CAPN2: variants seen among roughly 807,000 people sequenced by gnomAD.
CAPN2 encodes the protein calpain-2 catalytic subunit.
A neutral mutation model predicts 102.3 loss-of-function variants in CAPN2; 92 were observed. That is an observed-to-expected ratio of 0.90 (90% CI 0.76 to 1.07). The LOEUF is 1.07. CAPN2 is among the 50% of genes least tolerant of loss of function. CAPN2 has a pLI of 0.00. For missense variants in CAPN2, 800 were observed against 909.4 expected, an observed-to-expected ratio of 0.88 and a Z score of 1.55; for synonymous variants, 340 against 355.4, an observed-to-expected ratio of 0.96 and a Z score of 0.49.
intron 7 of CAPN2, 94 bp from the exon 8 acceptor site, chr1:223,751,903 A>C: frequency 8.9e-6 from 7 of 788,034 alleles, no homozygotes; most frequent in Non-Finnish European, 2.1e-6. Context: ...CTGAGCCCTC[A>C]GAGGTGAGAG....
chr1:223,752,402 C>A (rs1267671443), intron 8 of CAPN2, among the ~76,000 whole-genome samples: 1 of 152,194 alleles, frequency 6.6e-6, no homozygotes, highest in East Asian at 1.9e-4. Context: ...TCATCCCAGC[C>A]CCTTAAGAAA....
intron 1 of CAPN2, among the ~76,000 whole-genome samples, chr1:223,705,768 A>C (rs980478873): frequency 8.5e-5 from 13 of 152,180 alleles, no homozygotes; most frequent in African/African-American, 3.1e-4. Flanking sequence ...GCCACATGTC[A>C]AGTACTCATG....
At chr1:223,742,417 C>T (rs1279866536) in intron 2 of CAPN2, among the ~76,000 whole-genome samples, 1 of 150,138 alleles carries the variant, frequency 6.7e-6, no homozygotes, top group Admixed American at 6.7e-5. Context: ...CCAAAGAATT[C>T]AGTGAACTTC....
upstream of CAPN2, among the ~76,000 whole-genome samples, chr1:223,708,424 A>T (rs200052881): frequency 7.8e-5 from 6 of 76,796 alleles, no homozygotes; most frequent in African/African-American, 2.6e-4. Flanking sequence ...AACTCTGTTT[A>T]AAAAAAAAAA....
At chr1:223,711,047 G>T (rs2102769466), upstream of CAPN2, among the ~76,000 whole-genome samples, 1 of 152,256 alleles carries the variant, frequency 6.6e-6, no homozygotes, top group Admixed American at 6.5e-5. Flanking sequence ...GATTTTCTGG[G>T]TTCACAAGAG....
At position 223,759,594 on chromosome 1, in the gene CAPN2, A is replaced by G; in HGVS notation, c.1529+113A>G. ...TCTGAATGTCAGTTACTTTTTCTGTAACACCTGCCCACCTCGAAGGACTAG... is the reference window on the plus strand; with the variant it reads ...TCTGAATGTCAGTTACTTTTTCTGTGACACCTGCCCACCTCGAAGGACTAG... On this transcript the variant is annotated intron_variant, in intron 12 of 20. Coordinates refer to ENST00000295006, the MANE Select transcript of CAPN2 (RefSeq NM_001748.5). The surrounding 1 kb of genome is among the most constrained non-coding windows in gnomAD (Gnocchi z 4.6). 1 of 778,182 alleles carries G rather than the reference A, an allele frequency of 1.3e-6. No individual in the cohort carries two copies. The highest frequency in any genetic ancestry group is 3.6e-4 in the Middle Eastern group (1 of 2,756). The allele number at this position is 778,182 out of a possible 1,614,324, so 48.2% of individuals were successfully genotyped here.
chr1:223,742,492 A>ATGTG (rs768333854), intron 2 of CAPN2, among the ~76,000 whole-genome samples: 16 of 124,570 alleles, frequency 1.3e-4, no homozygotes, highest in Non-Finnish European at 2.3e-4. Flanking sequence ...TTTTATATAT[A>ATGTG]TGTGTGTATA....
At chr1:223,735,311 T>G (rs1660426400) in intron 2 of CAPN2, among the ~76,000 whole-genome samples, 1 of 152,066 alleles carries the variant, frequency 6.6e-6, no homozygotes, top group Admixed American at 6.5e-5. Flanking sequence ...GTGGATCACC[T>G]GAGGTCAGGA....
chr1:223,702,798 C>CA (rs1361769181), intron 1 of CAPN2, among the ~76,000 whole-genome samples: 3 of 151,306 alleles, frequency 2.0e-5, no homozygotes, highest in Non-Finnish European at 2.9e-5. Flanking sequence ...GATTTTGAGG[C>CA]AAAAAAATCC....
At chr1:223,771,464 G>C (rs1283296964) in intron 18 of CAPN2, 1 of 221,962 alleles carries the variant, frequency 4.5e-6, no homozygotes, top group Non-Finnish European at 8.9e-6. Flanking sequence ...ATATATCCAG[G>C]AAGAATCTGA....
chr1:223,752,326 T>G (rs562565490), intron 8 of CAPN2, among the ~76,000 whole-genome samples: 2 of 152,288 alleles, frequency 1.3e-5, no homozygotes, highest in South Asian at 4.2e-4. Flanking sequence ...AGGAATTCCT[T>G]TGGTAATGTT....
At chr1:223,720,315 C>CTCTCTTT (rs564518898) in intron 2 of CAPN2, among the ~76,000 whole-genome samples, 3 of 107,490 alleles carry the variant, frequency 2.8e-5, no homozygotes, top group African/African-American at 3.8e-5. Context: ...CTCTTTCTCT[C>CTCTCTTT]TTTTTTTTTT....
At chr1:223,729,052 C>T (rs912175828) in intron 2 of CAPN2, among the ~76,000 whole-genome samples, 1 of 152,200 alleles carries the variant, frequency 6.6e-6, no homozygotes, top group Non-Finnish European at 1.5e-5. Flanking sequence ...ATCACCAAGC[C>T]GCCATTTTCT....
chr1:223,755,666 C>A lies in CAPN2; in HGVS notation c.1305+17C>A. 1 of 1,545,214 alleles carries A rather than the reference C, an allele frequency of 6.5e-7. No homozygotes were observed. Among genetic ancestry groups the A allele is most frequent in the Non-Finnish European group, 8.7e-7 (1 of 1,145,892 alleles). On this transcript the variant is annotated intron_variant, in intron 10 of 20. Coordinates refer to ENST00000295006, the MANE Select transcript of CAPN2 (RefSeq NM_001748.5). The surrounding 1 kb of genome is among the most constrained non-coding windows in gnomAD (Gnocchi z 4.1). The stretch of plus-strand genomic sequence containing the variant: ...ATCTATGAGGTGCAGAGCGCAGGGG[C>A]TCCTGCCCTCCCTTCCCCATGTGTT...
At chr1:223,720,094 C>T (rs530950503) in intron 2 of CAPN2, among the ~76,000 whole-genome samples, 3 of 152,174 alleles carry the variant, frequency 2.0e-5, no homozygotes, top group Admixed American at 1.3e-4. Context: ...GTTGGTAGTC[C>T]GAAGACTGGG....
intron 1 of CAPN2, among the ~76,000 whole-genome samples, chr1:223,704,654 T>C (rs1225553279): frequency 6.6e-6 from 1 of 151,936 alleles, no homozygotes; most frequent in Admixed American, 6.6e-5. Context: ...GGAAGGGAAA[T>C]GAGAAGGGTA....
chr1:223,730,037 G>GAAAAAAAAAAAAAAAAAAAAAAAAA (rs1660298689), intron 2 of CAPN2, among the ~76,000 whole-genome samples: 1 of 94,178 alleles, frequency 1.1e-5, no homozygotes, highest in African/African-American at 4.0e-5. Flanking sequence ...AAAAAAAAAC[G>GAAAAAAAAAAAAAAAAAAAAAAAAA]AAAACCTGAA....
chr1:223,759,059 GTTGTT>G lies in CAPN2; in HGVS notation c.1318-205_1318-201del, dbSNP rs2102809029. 3.4e-6 allele frequency: 2 copies of G among 586,558 alleles called. No individual in the cohort carries two copies. The highest frequency in any genetic ancestry group is 4.1e-5 in the South Asian group (2 of 48,992). The allele number at this position is 586,558 out of a possible 1,614,324, so 36.3% of individuals were successfully genotyped here. A position where few individuals can be genotyped will look rare whatever the true frequency, so the allele number is the denominator to read the frequency against. ...ACTGCTATTTTTTTAAAAAAATTTT[GTTGTT>G]TTGTTGTTGTTGTCGTCGTTATATA... On this transcript the variant is annotated intron_variant, in intron 11 of 20. Coordinates refer to ENST00000295006, the MANE Select transcript of CAPN2 (RefSeq NM_001748.5). This position sits in a 1 kb window ranked among gnomAD's most constrained non-coding sequence, Gnocchi z 4.6.
In CAPN2 at chr1:223,726,310, G is replaced by C. The variant is rs1314047604; in HGVS notation, c.307+8479G>C. The stretch of plus-strand genomic sequence containing the variant: ...GAGCAGGGATGGGGAGGAAGAGGGT[G>C]GGTTTGCCTGCGCCTGGGGGGAGGG... On this transcript the variant is annotated intron_variant, in intron 2 of 20. Transcript: ENST00000295006. This position sits in a 1 kb window ranked among gnomAD's most constrained non-coding sequence, Gnocchi z 4.4. Among the ~76,000 whole-genome samples the C allele has an allele frequency of 1.3e-5, 2 of 152,256 alleles. No homozygotes were observed. Among genetic ancestry groups the C allele is most frequent in the East Asian group, 3.9e-4 (2 of 5,184 alleles).
Sources: gnomAD v4.1 joint callset for allele counts (sites outside exome capture counted in the v4.1 genomes callset) on GRCh38, gnomAD v4.1.1 for gene constraint, Gnocchi (gnomAD v3.1) non-coding constraint, MANE v1.5 for transcripts, NCBI Gene and HGNC (gene_info 2026-07-23, HGNC 2026-07-21) for gene names.